The following GPC6 variants were observed in gnomAD, a reference collection of about 807,000 sequenced individuals.
GPC6 encodes glypican-6.
A neutral mutation model predicts 55.2 loss-of-function variants in GPC6; 14 were observed. The observed-to-expected ratio is 0.25, with a 90% CI of 0.17 to 0.40. The LOEUF is 0.40. Among genes scored for constraint, GPC6 ranks in the 10% least tolerant of loss-of-function variants. The pLI is 1.00. For synonymous variants in GPC6, 278 were observed against 259.6 expected, an observed-to-expected ratio of 1.07 and a Z score of -0.68; for missense variants, 641 against 708.5, an observed-to-expected ratio of 0.90 and a Z score of 1.08.
intron 1 of GPC6, among the ~76,000 whole-genome samples, chr13:93,347,503 T>C (rs958337582): frequency 1.3e-5 from 2 of 152,170 alleles, no homozygotes; most frequent in Non-Finnish European, 2.9e-5. Flanking sequence ...TCAGTTGTTA[T>C]TTTTGTCATG....
At chr13:93,889,896 A>G (rs940080892) in intron 3 of GPC6, among the ~76,000 whole-genome samples, 1 of 152,026 alleles carries the variant, frequency 6.6e-6, no homozygotes, top group Non-Finnish European at 1.5e-5. Flanking sequence ...CAAACCACAC[A>G]TTTCACTGTT....
intron 2 of GPC6, among the ~76,000 whole-genome samples, chr13:93,627,520 T>C (rs1879252814): frequency 6.6e-6 from 1 of 152,124 alleles, no homozygotes; most frequent in Non-Finnish European, 1.5e-5. Flanking sequence ...ATCCAAAACT[T>C]ATCAACCCTC....
intron 4 of GPC6, among the ~76,000 whole-genome samples, chr13:94,094,687 T>C (rs999891277): frequency 2.0e-5 from 3 of 152,160 alleles, no homozygotes. Flanking sequence ...ATTGGTTTAG[T>C]TTTTAAGAAA....
intron 2 of GPC6, among the ~76,000 whole-genome samples, chr13:93,828,002 G>T (rs1306853251): frequency 6.8e-6 from 1 of 146,924 alleles, no homozygotes; most frequent in African/African-American, 2.5e-5. Flanking sequence ...GAGTATCAGA[G>T]AATTTTTTTT....
At chr13:93,970,589 T>C (rs932808395) in intron 3 of GPC6, among the ~76,000 whole-genome samples, 2 of 152,204 alleles carry the variant, frequency 1.3e-5, no homozygotes, top group Non-Finnish European at 2.9e-5. Context: ...TAAGATTAAA[T>C]GAGTAAGGAG....
chr13:93,830,613 A>G (rs4526886), intron 3 of GPC6, 68 bp downstream of exon 3: 2 of 213,918 alleles, frequency 9.3e-6, no homozygotes, highest in South Asian at 2.0e-4. Context: ...ACCAATGTTT[A>G]AAAAAAAAAA....
chr13:93,704,781 A>G (rs992815906), intron 2 of GPC6, among the ~76,000 whole-genome samples: 3 of 151,990 alleles, frequency 2.0e-5, no homozygotes, highest in African/African-American at 7.2e-5. Flanking sequence ...GGAAATGCTC[A>G]AATCTGTCTC....
intron 1 of GPC6, among the ~76,000 whole-genome samples, chr13:93,268,489 A>T (rs1877400440): frequency 6.6e-6 from 1 of 152,148 alleles, no homozygotes; most frequent in Non-Finnish European, 1.5e-5. Context: ...TACAGCAATG[A>T]ATCTGCAAGT....
intron 4 of GPC6, among the ~76,000 whole-genome samples, chr13:94,169,145 A>T (rs1888473380): frequency 6.6e-6 from 1 of 152,262 alleles, no homozygotes; most frequent in African/African-American, 2.4e-5. Context: ...TATTTACTAC[A>T]GGATAGGAAA....
intron 4 of GPC6, among the ~76,000 whole-genome samples, chr13:94,150,788 A>T (rs182670158): frequency 7.6e-4 from 110 of 144,176 alleles, no homozygotes; most frequent in Admixed American, 1.4e-3. Flanking sequence ...GTAGGATCAA[A>T]TGAAGCAGAA....
chr13:94,208,507 A>G (rs931655330), intron 4 of GPC6, among the ~76,000 whole-genome samples: 3 of 152,126 alleles, frequency 2.0e-5, no homozygotes, highest in Non-Finnish European at 4.4e-5. Flanking sequence ...ATAGAAATTC[A>G]AGGTGAAAAA....
intron 2 of GPC6, among the ~76,000 whole-genome samples, chr13:93,704,450 C>T (rs745577709): frequency 2.6e-5 from 4 of 151,818 alleles, no homozygotes; most frequent in Non-Finnish European, 5.9e-5. Flanking sequence ...CTTTAATTTT[C>T]TCTCAATAAC....
chr13:93,840,828 AG>A (rs1466059845), intron 3 of GPC6, among the ~76,000 whole-genome samples: 6 of 152,220 alleles, frequency 3.9e-5, no homozygotes, highest in African/African-American at 9.6e-5. Context: ...ATTAAAGTAC[AG>A]CACAAATAAA....
intron 1 of GPC6, among the ~76,000 whole-genome samples, chr13:93,408,145 G>T (rs961432685): frequency 6.6e-6 from 1 of 152,194 alleles, no homozygotes; most frequent in African/African-American, 2.4e-5. Flanking sequence ...GTAGAAAAAT[G>T]TACCCCTAAC....
intron 2 of GPC6, among the ~76,000 whole-genome samples, chr13:93,824,807 CAGA>C (rs1354223176): frequency 1.3e-5 from 2 of 152,018 alleles, no homozygotes; most frequent in South Asian, 2.1e-4. Context: ...AAGAGAAGTC[CAGA>C]ACCAAAGGAG....
chr13:94,350,075 T>G (rs969858696), intron 6 of GPC6, among the ~76,000 whole-genome samples: 2 of 150,150 alleles, frequency 1.3e-5, no homozygotes, highest in East Asian at 2.0e-4. Flanking sequence ...TATATATCTT[T>G]TGTGTGTGTG....
intron 2 of GPC6, among the ~76,000 whole-genome samples, chr13:93,685,346 T>A (rs1023456346): frequency 6.6e-6 from 1 of 152,290 alleles, no homozygotes; most frequent in East Asian, 1.9e-4. Context: ...TGCAGCCTGG[T>A]TGTCAATTGC....
intron 1 of GPC6, among the ~76,000 whole-genome samples, chr13:93,446,384 T>A (rs996072649): frequency 4.0e-5 from 6 of 150,804 alleles, no homozygotes; most frequent in Non-Finnish European, 8.9e-5. Context: ...TGTTAGGTAA[T>A]TTGAGCACTC....
chr13:93,346,420 A>G (rs1272929471), intron 1 of GPC6, among the ~76,000 whole-genome samples: 2 of 152,202 alleles, frequency 1.3e-5, no homozygotes, highest in Non-Finnish European at 2.9e-5. Context: ...TCCCAGGAAA[A>G]CTGAAGTGGC....
Sources: gnomAD v4.1 joint callset for allele counts (sites outside exome capture counted in the v4.1 genomes callset) on GRCh38, gnomAD v4.1.1 for gene constraint, MANE v1.5 for transcripts, NCBI Gene and HGNC (gene_info 2026-07-23, HGNC 2026-07-21) for gene names.